The following MACROD2 variants were observed in gnomAD, a reference collection of about 807,000 sequenced individuals.
MACROD2 encodes the protein ADP-ribose glycohydrolase MACROD2.
A neutral mutation model predicts 70.4 loss-of-function variants in MACROD2; 36 were observed. The ratio of observed to expected loss-of-function variants is 0.51; its 90% confidence interval spans 0.39 to 0.68. The LOEUF (loss-of-function observed/expected upper bound fraction) is 0.68, where lower values mean the gene tolerates loss of function less well. Ranked by LOEUF, MACROD2 falls within the 30% of genes least tolerant of loss-of-function variation. The pLI is 0.00. For synonymous variants in MACROD2, 172 were observed against 178.8 expected (o/e 0.96, Z 0.30); for missense variants, 496 against 538.4 (o/e 0.92, Z 0.78).
chr20:14,537,506 A>G (rs981890218), intron 4 of MACROD2, among the ~76,000 whole-genome samples: 4 of 152,112 alleles, frequency 2.6e-5, no homozygotes, highest in African/African-American at 9.7e-5. Context: ...CCTGCCCTAA[A>G]CATGGACTGA....
chr20:15,979,001 G>A (rs1195336536), intron 13 of MACROD2, among the ~76,000 whole-genome samples: 2 of 152,132 alleles, frequency 1.3e-5, no homozygotes, highest in Non-Finnish European at 2.9e-5. Flanking sequence ...GATTAAAATT[G>A]AGCTCAGGAG....
chr20:15,747,221 G>A (rs928466479), intron 8 of MACROD2, among the ~76,000 whole-genome samples: 2 of 152,116 alleles, frequency 1.3e-5, no homozygotes, highest in African/African-American at 4.8e-5. Context: ...GCCTCTGAAT[G>A]TAGGTACCAG....
chr20:14,772,881 A>C (rs1334243018), intron 5 of MACROD2, among the ~76,000 whole-genome samples: 5 of 152,066 alleles, frequency 3.3e-5, no homozygotes, highest in African/African-American at 1.2e-4. Context: ...AAAGTGGCTT[A>C]AACAATTTTT....
chr20:14,850,443 C>G, intron 5 of MACROD2: 1 of 153,080 alleles, frequency 6.5e-6, no homozygotes, highest in Non-Finnish European at 1.5e-5. Context: ...TGCTGACTTC[C>G]TTCAGGTGAA....
intron 6 of MACROD2, chr20:15,280,720 A>G (rs181101511): frequency 6.6e-6 from 1 of 152,130 alleles, no homozygotes; most frequent in Non-Finnish European, 1.5e-5. Flanking sequence ...AAACACTTTC[A>G]CTCTAAGACT....
rs1420235419 is a variant in MACROD2 at position 14,330,911 on chromosome 20, T to C, written c.272-162568T>C. ...TTTTAAAGTATCTTCTGTAAAAGTT[T>C]TTTAAACTTGAAAATTATTCAACAT... On this transcript the variant is annotated intron_variant, in intron 3 of 17. Coordinates refer to ENST00000684519, the MANE Select transcript of MACROD2 (RefSeq NM_001351661.2). Among the ~76,000 whole-genome samples the C allele has an allele frequency of 3.9e-5, 6 of 152,162 alleles. No individual in the cohort carries two copies. The East Asian group carries it at 1.2e-3, about 29-fold the overall frequency.
At chr20:15,638,102 G>A (rs1041472217) in intron 8 of MACROD2, among the ~76,000 whole-genome samples, 7 of 152,088 alleles carry the variant, frequency 4.6e-5, no homozygotes, top group African/African-American at 1.4e-4. Flanking sequence ...GGAATGAGCC[G>A]TGCATTGTTC....
chr20:14,766,368 G>C (rs998975790), intron 5 of MACROD2, among the ~76,000 whole-genome samples: 14 of 152,002 alleles, frequency 9.2e-5, no homozygotes, highest in African/African-American at 3.4e-4. Context: ...ACTATTATTA[G>C]CTGAAAAAGA....
chr20:14,734,424 C>T (rs1215910210), intron 5 of MACROD2, among the ~76,000 whole-genome samples: 1 of 151,152 alleles, frequency 6.6e-6, no homozygotes, highest in Non-Finnish European at 1.5e-5. Flanking sequence ...TGGAGTGAAC[C>T]TGGGAGGTGG....
At chr20:16,040,866 C>T (rs2067298302) in intron 15 of MACROD2, among the ~76,000 whole-genome samples, 1 of 151,998 alleles carries the variant, frequency 6.6e-6, no homozygotes. Flanking sequence ...CTCTCACACC[C>T]ACCCATGCAT....
At chr20:15,331,785 C>T (rs1042625723) in intron 6 of MACROD2, among the ~76,000 whole-genome samples, 1 of 151,482 alleles carries the variant, frequency 6.6e-6, no homozygotes, top group African/African-American at 2.4e-5. Context: ...CATATCCATA[C>T]ATGTATGCAT....
In MACROD2 at chr20:14,758,672, G is replaced by T. The variant is rs796207555; in HGVS notation, c.418+73713G>T. ...TTATCCAGCTAGGCTTTAGTGTGCT[G>T]CCATCTCCTTGTGTGGAGAGGATTT... On this transcript the variant is annotated intron_variant, in intron 5 of 17. Transcript: ENST00000684519. Among the ~76,000 whole-genome samples, 11 of 152,074 alleles carry T rather than the reference G, an allele frequency of 7.2e-5. No individual in the cohort carries two copies. The East Asian group carries it at 1.7e-3, about 24-fold the overall frequency.
At chr20:14,132,129 CAAAAAAA>C (rs34790385) in intron 3 of MACROD2, among the ~76,000 whole-genome samples, 6 of 96,620 alleles carry the variant, frequency 6.2e-5, no homozygotes, top group African/African-American at 2.7e-4. Context: ...AGACTCTATC[CAAAAAAA>C]AAAAAAAAAA....
At chr20:15,365,095 A>C (rs532020195) in intron 6 of MACROD2, among the ~76,000 whole-genome samples, 1 of 152,140 alleles carries the variant, frequency 6.6e-6, no homozygotes, top group African/African-American at 2.4e-5. Flanking sequence ...TTTTAGGTCA[A>C]CTTTATAATT....
chr20:15,679,254 G>C (rs546446728), intron 8 of MACROD2, among the ~76,000 whole-genome samples: 290 of 131,808 alleles, frequency 2.2e-3, no homozygotes, highest in Admixed American at 6.4e-3. Context: ...AAAAAAAAAA[G>C]AGATGCACAG....
intron 3 of MACROD2, among the ~76,000 whole-genome samples, chr20:14,250,114 C>T (rs766381541): frequency 2.0e-5 from 3 of 151,716 alleles, no homozygotes; most frequent in South Asian, 2.1e-4. Flanking sequence ...AAGGTGAAAG[C>T]GCTCACCTTT....
chr20:14,955,107 A>AATG (rs2074520937), intron 5 of MACROD2, among the ~76,000 whole-genome samples: 1 of 8,932 alleles, frequency 1.1e-4, no homozygotes, highest in Admixed American at 9.1e-4. Context: ...AATATAATTT[A>AATG]TATTATATAT....
chr20:15,040,601 A>T (rs1305907556), intron 5 of MACROD2, among the ~76,000 whole-genome samples: 1 of 152,108 alleles, frequency 6.6e-6, no homozygotes, highest in Non-Finnish European at 1.5e-5. Flanking sequence ...ATTCCCTTGT[A>T]TGGATTGCTG....
intron 4 of MACROD2, among the ~76,000 whole-genome samples, chr20:14,527,471 T>A (rs2123194441): frequency 1.3e-5 from 2 of 149,256 alleles, no homozygotes; most frequent in Admixed American, 1.4e-4. Context: ...AGCACTCCCA[T>A]ATCACTTACA....
Sources: gnomAD v4.1 joint callset for allele counts (sites outside exome capture counted in the v4.1 genomes callset) on GRCh38, gnomAD v4.1.1 for gene constraint, MANE v1.5 for transcripts, NCBI Gene and HGNC (gene_info 2026-07-23, HGNC 2026-07-21) for gene names.